The following OTOP3 variants were observed in gnomAD, a reference collection of about 807,000 sequenced individuals.
The protein encoded by OTOP3 is proton channel OTOP3.
Under a neutral mutation model 50.8 loss-of-function variants are expected in OTOP3, and 41 were observed. The ratio of observed to expected loss-of-function variants is 0.81; its 90% confidence interval spans 0.63 to 1.05. OTOP3 has a LOEUF of 1.05. Among genes scored for constraint, OTOP3 ranks in the 50% least tolerant of loss-of-function variants. The probability of loss-of-function intolerance (pLI) is 0.00; values close to 1 mark genes in which losing one functional copy is unlikely to be tolerated. For synonymous variants in OTOP3, 320 were observed against 324.4 expected, an observed-to-expected ratio of 0.99 and a Z score of 0.14; for missense variants, 788 against 760.8, an observed-to-expected ratio of 1.04 and a Z score of -0.42.
At chr17:74,936,607 C>T (rs898754221) in intron 1 of OTOP3, among the ~76,000 whole-genome samples, 1 of 152,180 alleles carries the variant, frequency 6.6e-6, no homozygotes, top group African/African-American at 2.4e-5. Context: ...GGACCAAATT[C>T]GCTCCTTTGA....
At chr17:74,948,239 A>T (rs1321228353) in intron 6 of OTOP3, among the ~76,000 whole-genome samples, 2 of 152,130 alleles carry the variant, frequency 1.3e-5, no homozygotes, top group African/African-American at 4.8e-5. Context: ...AACTAGCAGA[A>T]ATGACAGGGC....
Position 74,941,602 on chromosome 17 carries a change from G to C in OTOP3, c.229G>C (p.Ala77Pro). The C allele has an allele frequency of 6.2e-7, 1 of 1,613,466 alleles. No individual in the cohort carries two copies. The highest frequency in any genetic ancestry group is 1.7e-4 in the Middle Eastern group (1 of 6,056). Residue 77 changes from alanine (A) to proline (P), a missense_variant, in exon 2 of 7, where the codon GCC (alanine) becomes CCC (proline). By Grantham distance (27) the Ala-to-Pro change is conservative. Transcript: ENST00000328801. ...TGGACAACTCTTCTCGGGGCTCCTG[G>C]CCCTGAATGTGGTGTTCCTGGGTGG... ...KAGQLFSGLL[A>P]LNVVFLGGAF...
Position 74,942,627 on chromosome 17 carries a change from T to A in OTOP3, c.573+590T>A, listed in dbSNP as rs1050625393. Among the ~76,000 whole-genome samples the A allele has an allele frequency of 4.9e-4, 54 of 109,702 alleles. 1 individual carries two copies. The highest frequency in any genetic ancestry group is 1.7e-3 in the South Asian group (6 of 3,540). 72.0% of individuals were successfully genotyped at this position (109,702 alleles called of 152,430 possible). On this transcript the variant is annotated intron_variant, in intron 3 of 6. Coordinates refer to ENST00000328801, the MANE Select transcript of OTOP3 (RefSeq NM_001272005.2). ...GCCTGGGCGACAGAGTGAGACTCTGTCTCAAAAAAAAAGAATACAATCGGC... is the reference window on the plus strand; with the variant it reads ...GCCTGGGCGACAGAGTGAGACTCTGACTCAAAAAAAAAGAATACAATCGGC...
At chr17:74,943,489 G>A in intron 4 of OTOP3, 117 bp from the exon 5 acceptor site, 10 of 1,329,356 alleles carry the variant, frequency 7.5e-6, no homozygotes, top group Non-Finnish European at 1.1e-5. Flanking sequence ...GTGCCAGTGT[G>A]ACACTAGGGA....
At chr17:74,947,754 C>G (rs1398219188) in intron 6 of OTOP3, among the ~76,000 whole-genome samples, 1 of 152,190 alleles carries the variant, frequency 6.6e-6, no homozygotes, top group Non-Finnish European at 1.5e-5. Context: ...TGGGTTCAGT[C>G]AAAGGAAGAG....
intron 5 of OTOP3, among the ~76,000 whole-genome samples, chr17:74,945,784 G>C (rs1462385762): frequency 6.6e-6 from 1 of 152,050 alleles, no homozygotes; most frequent in East Asian, 1.9e-4. Flanking sequence ...GGTTCTTGGG[G>C]TTTCGGTTTT....
chr17:74,940,128 CACACAT>C lies in OTOP3; in HGVS notation c.20-1261_20-1256del, dbSNP rs1308011848. Among the ~76,000 whole-genome samples, 471 of 118,484 alleles carry C rather than the reference CACACAT, an allele frequency of 4.0e-3. 1 individual carries two copies. The highest frequency in any genetic ancestry group is 0.016 in the South Asian group (55 of 3,470). 77.7% of individuals were successfully genotyped at this position (118,484 alleles called of 152,430 possible). ...ACACACACACACACACACACACACACACACATACATATATACATATATGGGGTTTTT... is the reference window on the plus strand; with the variant it reads ...ACACACACACACACACACACACACACACATATATACATATATGGGGTTTTT... On this transcript the variant is annotated intron_variant, in intron 1 of 6. Coordinates refer to ENST00000328801, the MANE Select transcript of OTOP3 (RefSeq NM_001272005.2).
Position 74,943,332 on chromosome 17 carries a change from C to A in OTOP3, c.620C>A (p.Thr207Asn). 1 of 1,614,118 alleles carries A rather than the reference C, an allele frequency of 6.2e-7. No individual in the cohort carries two copies. The highest frequency in any genetic ancestry group is 1.7e-5 in the Admixed American group (1 of 60,028). The change falls in exon 4 of 7, where the codon ACC becomes AAC. Residue 207 changes from threonine (T) to asparagine (N), a missense_variant. Physicochemically the swap from Thr to Asn is moderately conservative, Grantham distance 65. Coordinates refer to ENST00000328801, the MANE Select transcript of OTOP3 (RefSeq NM_001272005.2). The stretch of plus-strand genomic sequence containing the variant: ...TGCAAAGACTGTGTTCGGGTCCAGA[C>A]CAACTTCACTAGGTAAGACTTCTCT... ...KHCKDCVRVQ[T>N]NFTRCGLMLT...
chr17:74,937,956 G>A lies in OTOP3; in HGVS notation c.19+2016G>A, dbSNP rs561728632. 9.9e-4 allele frequency among the ~76,000 whole-genome samples: 150 copies of A among 152,278 alleles called. 1 individual carries two copies. The highest frequency in any genetic ancestry group is 3.5e-3 in the African/African-American group (146 of 41,558). On this transcript the variant is annotated intron_variant, in intron 1 of 6. Coordinates refer to ENST00000328801, the MANE Select transcript of OTOP3 (RefSeq NM_001272005.2). The stretch of plus-strand genomic sequence containing the variant: ...TGGGGGAGGCAGAAAGAAGAGCAGT[G>A]TCCAGGAGGGATGGCAGGAGGCAGG...
intron 6 of OTOP3, among the ~76,000 whole-genome samples, chr17:74,948,685 A>G (rs1342129702): frequency 6.6e-6 from 1 of 151,846 alleles, no homozygotes; most frequent in Admixed American, 6.6e-5. Context: ...AATAAAAATA[A>G]AAATTAGCCA....
At chr17:74,946,070 C>T (rs563985304) in intron 5 of OTOP3, among the ~76,000 whole-genome samples, 2 of 152,266 alleles carry the variant, frequency 1.3e-5, no homozygotes, top group African/African-American at 4.8e-5. Context: ...CTCTGCCTCC[C>T]GGTCTCAAGC....
At chr17:74,947,514 G>A (rs1256697023) in intron 6 of OTOP3, 39 bp downstream of exon 6, 1 of 1,519,024 alleles carries the variant, frequency 6.6e-7, no homozygotes, top group Non-Finnish European at 8.8e-7. Context: ...GGTAGAGGTG[G>A]CCAGGCAGAC....
At chr17:74,943,157 G>C in intron 3 of OTOP3, 129 bp from the exon 4 acceptor site, 1 of 822,872 alleles carries the variant, frequency 1.2e-6, no homozygotes, top group Admixed American at 1.8e-5. Context: ...AGAAGCAGTA[G>C]AGCCAAGATT....
chr17:74,944,110 C>T (rs2144785380), intron 5 of OTOP3, among the ~76,000 whole-genome samples: 1 of 152,264 alleles, frequency 6.6e-6, no homozygotes, highest in South Asian at 2.1e-4. Context: ...TTTTAGGTGC[C>T]TGGCCTCATC....
intron 1 of OTOP3, among the ~76,000 whole-genome samples, chr17:74,937,914 G>C (rs1210805203): frequency 2.0e-5 from 3 of 152,186 alleles, no homozygotes; most frequent in African/African-American, 7.2e-5. Flanking sequence ...AGGTGGGTGG[G>C]GAGGATGGGC....
chr17:74,938,571 G>A (rs2039141241), intron 1 of OTOP3, among the ~76,000 whole-genome samples: 1 of 152,126 alleles, frequency 6.6e-6, no homozygotes, highest in African/African-American at 2.4e-5. Flanking sequence ...GCAGCAAGAT[G>A]GTATAGCCCA....
At position 74,949,233 on chromosome 17, in the gene OTOP3, T is replaced by A. The variant is rs540416612; in HGVS notation, c.1567-13T>A. 2 of 1,612,804 alleles carry A rather than the reference T, an allele frequency of 1.2e-6. No individual in the cohort carries two copies. Among genetic ancestry groups the A allele is most frequent in the Non-Finnish European group, 1.7e-6 (2 of 1,179,322 alleles). ...GAGAGCCCTTCCCTAACTCAGCACATCCTCTTCCCCAGCTGTGGATGATGC... is the reference window on the plus strand; with the variant it reads ...GAGAGCCCTTCCCTAACTCAGCACAACCTCTTCCCCAGCTGTGGATGATGC... On this transcript the variant is annotated splice_polypyrimidine_tract_variant and intron_variant, in intron 6 of 6. Transcript: ENST00000328801.
At chr17:74,945,558 G>A (rs563743328) in intron 5 of OTOP3, among the ~76,000 whole-genome samples, 20 of 152,270 alleles carry the variant, frequency 1.3e-4, no homozygotes, top group African/African-American at 4.1e-4. Context: ...ACAAAATCTT[G>A]ATTAGATTCA....
At position 74,941,603 on chromosome 17, in the gene OTOP3, C is replaced by A. The variant is rs1242052016; in HGVS notation, c.230C>A (p.Ala77Asp). Reference protein sequence around the residue: ...KAGQLFSGLLALNVVFLGGAF... With the variant: ...KAGQLFSGLLDLNVVFLGGAF... ...GGACAACTCTTCTCGGGGCTCCTGG[C>A]CCTGAATGTGGTGTTCCTGGGTGGC... The change falls in exon 2 of 7, where the codon GCC becomes GAC. Residue 77 changes from alanine (A) to aspartate (D), a missense_variant. By Grantham distance (126) the Ala-to-Asp change is moderately radical. Transcript: ENST00000328801. 3 of 1,613,306 alleles carry A rather than the reference C, an allele frequency of 1.9e-6. No individual in the cohort carries two copies. Among genetic ancestry groups the A allele is most frequent in the South Asian group, 1.1e-5 (1 of 90,964 alleles).
Sources: allele counts gnomAD v4.1 joint callset (sites outside exome capture counted in the v4.1 genomes callset), GRCh38; gene constraint gnomAD v4.1.1; transcripts MANE v1.5; gene names NCBI Gene and HGNC (gene_info 2026-07-23, HGNC 2026-07-21).